Variants in AP4E1 observed in about 807,000 individuals in gnomAD.
AP4E1 encodes the protein adaptor related protein complex 4 subunit epsilon 1, also known as AP-4 complex subunit epsilon-1.
AP4E1 carries 56 observed loss-of-function variants against 128.2 expected under a neutral mutation model. That is an observed-to-expected ratio of 0.44 (90% CI 0.35 to 0.55). The LOEUF is 0.55. Among genes scored for constraint, AP4E1 ranks in the 20% least tolerant of loss-of-function variants. The probability of loss-of-function intolerance (pLI) is 0.00; values close to 1 mark genes in which losing one functional copy is unlikely to be tolerated. For synonymous variants in AP4E1, 484 were observed against 473.1 expected (o/e 1.02, Z -0.30); for missense variants, 1,324 against 1,307.7 (o/e 1.01, Z -0.19).
In AP4E1 at chr15:50,980,478, C is replaced by T. The variant is rs145064381; in HGVS notation, c.1967-3544C>T. 3.0e-4 allele frequency among the ~76,000 whole-genome samples: 45 copies of T among 152,242 alleles called. 1 individual carries two copies. The highest frequency in any genetic ancestry group is 4.3e-4 in the Non-Finnish European group (29 of 68,014). On this transcript the variant is annotated intron_variant, in intron 15 of 20. Transcript: ENST00000261842. Reference sequence around the variant, plus strand: ...TATAATTAAACAGAAGCATGACAGACGGAAAATTTTCAGCCTGGCCATGTG... The same window carrying T: ...TATAATTAAACAGAAGCATGACAGATGGAAAATTTTCAGCCTGGCCATGTG...
chr15:50,950,796 G>C (rs750178892), intron 13 of AP4E1, among the ~76,000 whole-genome samples: 7 of 151,978 alleles, frequency 4.6e-5, no homozygotes, highest in Non-Finnish European at 1.0e-4. Context: ...GATAGGCGCT[G>C]GTGTGTGTTG....
chr15:50,958,668 C>T lies in AP4E1; in HGVS notation c.1725C>T (p.Ile575=), dbSNP rs753913132. 7.4e-6 allele frequency: 12 copies of T among 1,613,938 alleles called. No individual in the cohort carries two copies. Residue 575 remains isoleucine (I), a synonymous_variant, in exon 14 of 21, where the codon ATC becomes ATT. Transcript: ENST00000261842. The part of the protein sequence containing the change: ...AHSSNTVERL[I]HEFTISLDTC... ...CTTCTAATACAGTTGAGAGATTAAT[C>T]CATGAATTTACCATATCTTTGGATA...
intron 11 of AP4E1, 58 bp downstream of exon 11, chr15:50,948,217 A>G (rs2064090203): frequency 6.9e-6 from 11 of 1,590,916 alleles, no homozygotes; most frequent in Non-Finnish European, 7.7e-6. Flanking sequence ...TGACTTTAAG[A>G]TGATTGGTAT....
chr15:50,922,388 G>A (rs1271941172), intron 3 of AP4E1, among the ~76,000 whole-genome samples: 2 of 151,988 alleles, frequency 1.3e-5, no homozygotes, highest in East Asian at 1.9e-4. Context: ...TTCTTGGCCC[G>A]GGTCAGATTT....
At chr15:50,964,030 A>G (rs758478874) in intron 14 of AP4E1, among the ~76,000 whole-genome samples, 2 of 152,220 alleles carry the variant, frequency 1.3e-5, no homozygotes, top group Admixed American at 6.5e-5. Context: ...AGCTTCCTGC[A>G]TATGGATGTC....
chr15:50,996,761 T>A (rs2064880480), intron 17 of AP4E1, among the ~76,000 whole-genome samples: 1 of 152,252 alleles, frequency 6.6e-6, no homozygotes, highest in Non-Finnish European at 1.5e-5. Context: ...ATCTCCTGAA[T>A]GTGTGGCAAA....
At position 50,941,465 on chromosome 15, in the gene AP4E1, A is replaced by G. The variant is rs1202925343; in HGVS notation, c.967A>G (p.Thr323Ala). 4 of 1,612,936 alleles carry G rather than the reference A, an allele frequency of 2.5e-6. No homozygotes were observed. In the Admixed American group the frequency reaches 5.0e-5, roughly 20 times the overall value. The change falls in exon 9 of 21, where the codon ACA becomes GCA. Residue 323 changes from threonine to alanine, a missense_variant. Physicochemically the swap from Thr to Ala is moderately conservative, Grantham distance 58 (BLOSUM62 0). Coordinates refer to ENST00000261842, the MANE Select transcript of AP4E1 (RefSeq NM_007347.5). ...AGCTATTTTGTTTGAATGTGTGCAT[A>G]CAGTCTATTCTATTTATCCTAAATC... The part of the protein sequence containing the change: ...TYAILFECVH[T>A]VYSIYPKSEL...
At chr15:50,967,901 C>T (rs543680519) in intron 14 of AP4E1, among the ~76,000 whole-genome samples, 62 of 152,312 alleles carry the variant, frequency 4.1e-4, no homozygotes, top group African/African-American at 1.5e-3. Context: ...CAACCTCTGC[C>T]TTCTGGGTTC....
intron 3 of AP4E1, among the ~76,000 whole-genome samples, chr15:50,919,829 C>T (rs1310302957): frequency 6.6e-6 from 1 of 151,806 alleles, no homozygotes; most frequent in Non-Finnish European, 1.5e-5. Flanking sequence ...GTAATGCCAA[C>T]ACTGTGAGAG....
intron 18 of AP4E1, among the ~76,000 whole-genome samples, chr15:50,998,523 A>G (rs1486819731): frequency 1.3e-5 from 2 of 152,138 alleles, no homozygotes; most frequent in Non-Finnish European, 2.9e-5. Context: ...CCAGCTACTC[A>G]GGAGGCTGAG....
intron 14 of AP4E1, among the ~76,000 whole-genome samples, chr15:50,961,297 A>T (rs189606878): frequency 6.6e-6 from 1 of 152,216 alleles, no homozygotes; most frequent in East Asian, 1.9e-4. Flanking sequence ...AGACAAGGAC[A>T]CAACAACAAT....
chr15:50,951,361 A>G (rs2064147355), intron 13 of AP4E1, among the ~76,000 whole-genome samples: 1 of 152,122 alleles, frequency 6.6e-6, no homozygotes, highest in South Asian at 2.1e-4. Context: ...AGCTGCTTTC[A>G]GTTTCTTGCC....
intron 2 of AP4E1, among the ~76,000 whole-genome samples, chr15:50,912,388 A>C (rs1277898333): frequency 6.6e-6 from 1 of 152,240 alleles, no homozygotes; most frequent in African/African-American, 2.4e-5. Flanking sequence ...ATAAATGTGG[A>C]GATACTCTTG....
intron 14 of AP4E1, among the ~76,000 whole-genome samples, chr15:50,964,013 C>T (rs918414577): frequency 3.3e-5 from 5 of 152,290 alleles, no homozygotes; most frequent in East Asian, 1.9e-4. Context: ...CTCTTTGAGG[C>T]GCTTTGAGCT....
In AP4E1 at chr15:51,002,935, G is replaced by A. The variant is rs1595588529; in HGVS notation, c.*273G>A. The A allele has an allele frequency of 1.2e-5, 4 of 336,936 alleles. No homozygotes were observed. In the East Asian group the frequency reaches 2.4e-4, roughly 20 times the overall value. 20.9% of individuals were successfully genotyped at this position (336,936 alleles called of 1,614,324 possible). On this transcript the variant is annotated 3_prime_UTR_variant, in exon 21 of 21. Coordinates refer to ENST00000261842, the MANE Select transcript of AP4E1 (RefSeq NM_007347.5). The stretch of plus-strand genomic sequence containing the variant: ...TAATGATTTATATATCACTTAGTGT[G>A]TAGAGGGACTGAAAATATTTATTTT...
intron 16 of AP4E1, among the ~76,000 whole-genome samples, chr15:50,988,150 C>T (rs927641279): frequency 1.3e-5 from 2 of 151,960 alleles, no homozygotes; most frequent in Admixed American, 1.3e-4. Flanking sequence ...AGTTGGTCAC[C>T]CAGTGAAGGC....
chr15:50,944,566 T>TA lies in AP4E1; in HGVS notation c.1176+2792dup, dbSNP rs2064031346. 3.9e-5 allele frequency: 8 copies of TA among 207,644 alleles called. No homozygotes were observed. In the South Asian group the frequency reaches 1.1e-3, roughly 28 times the overall value. 12.9% of individuals were successfully genotyped at this position (207,644 alleles called of 1,614,324 possible). On this transcript the variant is annotated intron_variant, in intron 10 of 20. Coordinates refer to ENST00000261842, the MANE Select transcript of AP4E1 (RefSeq NM_007347.5). Reference sequence around the variant, plus strand: ...ATGTATTTTTAGATTTAAGTGGTGTTACACATTAACTAAAACAGTTAAAAA... The same window carrying TA: ...ATGTATTTTTAGATTTAAGTGGTGTTAACACATTAACTAAAACAGTTAAAAA...
chr15:50,945,079 G>A (rs2064039693), intron 10 of AP4E1: 1 of 782,808 alleles, frequency 1.3e-6, no homozygotes, highest in East Asian at 2.4e-5. Context: ...AAAATGGATG[G>A]GCCAGGCTAT....
intron 14 of AP4E1, among the ~76,000 whole-genome samples, chr15:50,965,555 C>G (rs1400104007): frequency 6.6e-6 from 1 of 152,178 alleles, no homozygotes; most frequent in Non-Finnish European, 1.5e-5. Flanking sequence ...TTATTATAAA[C>G]TATATTGCAG....
Sources: gnomAD v4.1 joint callset for allele counts (sites outside exome capture counted in the v4.1 genomes callset) on GRCh38, gnomAD v4.1.1 for gene constraint, MANE v1.5 for transcripts, NCBI Gene and HGNC (gene_info 2026-07-23, HGNC 2026-07-21) for gene names.